Variants in NAV1 observed in about 807,000 individuals in gnomAD.
NAV1 encodes neuron navigator 1, also known as pore membrane and/or filament interacting like protein 3.
In NAV1, 18 loss-of-function variants were observed where a neutral mutation model predicts 175.2. The ratio of observed to expected loss-of-function variants is 0.10; its 90% CI spans 0.07 to 0.15. The LOEUF is 0.15. NAV1 is among the 10% of genes least tolerant of loss of function. NAV1 has a pLI of 1.00. For missense variants in NAV1, 1,731 were observed against 2,436.6 expected (o/e 0.71, Z 6.10); for synonymous variants, 897 against 978.7 (o/e 0.92, Z 1.56).
intron 3 of NAV1, among the ~76,000 whole-genome samples, chr1:201,720,902 G>A (rs1303915862): frequency 6.6e-6 from 1 of 152,046 alleles, no homozygotes; most frequent in African/African-American, 2.4e-5. Context: ...AGCATCAGCA[G>A]CAAAGACAGA....
At position 201,806,875 on chromosome 1, in the gene NAV1, C is replaced by T. The variant is rs186982305; in HGVS notation, c.3649-1078C>T. ...CCCACCAGCTCCATCCATCACCTGA[C>T]GGCCTTCCTATGTTCCAGGAGAGAC... On this transcript the variant is annotated intron_variant, in intron 17 of 29. Coordinates refer to ENST00000367296, the Ensembl canonical transcript of NAV1. 2.0e-5 allele frequency among the ~76,000 whole-genome samples: 3 copies of T among 152,332 alleles called. No homozygotes were observed. The East Asian group carries it at 5.8e-4, about 29-fold the overall frequency.
At chr1:201,666,194 T>C (rs1329471139) in intron 1 of NAV1, among the ~76,000 whole-genome samples, 1 of 152,090 alleles carries the variant, frequency 6.6e-6, no homozygotes. Context: ...TGGAGAAGGC[T>C]GGGAAGCCAG....
intron 1 of NAV1, among the ~76,000 whole-genome samples, chr1:201,664,304 T>C (rs1669730471): frequency 6.6e-6 from 1 of 152,192 alleles, no homozygotes; most frequent in Non-Finnish European, 1.5e-5. Context: ...ATCGCGTCAC[T>C]GCACTCCAGC....
chr1:201,607,512 G>A (rs1045521696), intron 2 of NAV1, among the ~76,000 whole-genome samples: 25 of 151,982 alleles, frequency 1.6e-4, no homozygotes, highest in African/African-American at 6.0e-4. Context: ...TTATTTTTGA[G>A]ATGGAGTCTC....
chr1:201,615,267 C>CTTTCTT (rs1553244260), intron 2 of NAV1, among the ~76,000 whole-genome samples: 4 of 141,972 alleles, frequency 2.8e-5, no homozygotes, highest in Admixed American at 7.0e-5. Context: ...TTCTTTCTTT[C>CTTTCTT]TTTTTTTTTT....
rs536698756 is a variant in NAV1, at chr1:201,604,791, AAAG to A, written c.-33+16146_-33+16148del. Among the ~76,000 whole-genome samples, 307 of 151,036 alleles carry A rather than the reference AAAG, an allele frequency of 2.0e-3. 2 individuals carry two copies. Among genetic ancestry groups the A allele is most frequent in the Admixed American group, 7.4e-3 (112 of 15,048 alleles). On this transcript the variant is annotated intron_variant, in intron 2 of 33. Transcript: ENST00000685211. ...GGAAAAGAAAGAAAAGAAAAGAAGG[AAAG>A]AAGGAAGGAAGGAAGCCAAAGCTCA...
intron 3 of NAV1, among the ~76,000 whole-genome samples, chr1:201,730,606 A>T (rs919808969): frequency 6.6e-6 from 1 of 152,180 alleles, no homozygotes; most frequent in Non-Finnish European, 1.5e-5. Flanking sequence ...CATGCTGTCG[A>T]CTGACCAATG....
At chr1:201,557,013 G>T (rs1202725603) in intron 1 of NAV1, among the ~76,000 whole-genome samples, 1 of 152,194 alleles carries the variant, frequency 6.6e-6, no homozygotes. Context: ...CCATGATCCT[G>T]CCAGACCACA....
chr1:201,740,052 G>A lies in NAV1; in HGVS notation c.1226+21297G>A. ...CTTCATCTGCCCCTGCCCAGATCCG[G>A]AAGAACGGTGAATTTCCCCCGCAGG... On this transcript the variant is annotated intron_variant, in intron 3 of 29. Transcript: ENST00000367296. This position sits in a 1 kb window ranked among gnomAD's most constrained non-coding sequence, Gnocchi z 4.7. The A allele has an allele frequency of 6.7e-7, 1 of 1,500,852 alleles. No individual in the cohort carries two copies. The highest frequency in any genetic ancestry group is 1.3e-5 in the South Asian group (1 of 77,588). The allele number at this position is 1,500,852 out of a possible 1,614,324, so 93.0% of individuals were successfully genotyped here.
At chr1:201,820,910 G>T (rs994113838) in exon 30 of NAV1, 11 of 151,400 alleles carry the variant, frequency 7.3e-5, no homozygotes, top group African/African-American at 2.7e-4. Context: ...TTCCAAGTGG[G>T]TTTTCTTTGG....
At chr1:201,616,431 G>A (rs773663719) in intron 2 of NAV1, among the ~76,000 whole-genome samples, 3 of 151,850 alleles carry the variant, frequency 2.0e-5, no homozygotes, top group Non-Finnish European at 2.9e-5. Context: ...CCCAGATCCT[G>A]CCTCACTGAC....
chr1:201,810,862 C>G lies in NAV1; in HGVS notation c.4797+104C>G. The stretch of plus-strand genomic sequence containing the variant: ...CCTCATTGTTCCCTTTTCCTCACCT[C>G]TGCCTTCATCTTTCTTCTCTTCTGT... On this transcript the variant is annotated intron_variant, in intron 24 of 29. Coordinates refer to ENST00000367296, the Ensembl canonical transcript of NAV1. This position sits in a 1 kb window ranked among gnomAD's most constrained non-coding sequence, Gnocchi z 6.0. 1 of 773,494 alleles carries G rather than the reference C, an allele frequency of 1.3e-6. No individual in the cohort carries two copies. Among genetic ancestry groups the G allele is most frequent in the Middle Eastern group, 2.6e-4 (1 of 3,822 alleles). 47.9% of individuals were successfully genotyped at this position (773,494 alleles called of 1,614,324 possible).
intron 3 of NAV1, among the ~76,000 whole-genome samples, chr1:201,757,092 TCAGA>T (rs1403623433): frequency 6.6e-6 from 1 of 152,048 alleles, no homozygotes; most frequent in Non-Finnish European, 1.5e-5. Flanking sequence ...GTCATAATGT[TCAGA>T]CAAAGAAGCA....
intron 1 of NAV1, among the ~76,000 whole-genome samples, chr1:201,625,064 G>C (rs1286459079): frequency 6.6e-6 from 1 of 152,148 alleles, no homozygotes; most frequent in Non-Finnish European, 1.5e-5. Context: ...ACATGTTTAG[G>C]CTTCATTTAG....
chr1:201,781,452 G>A, intron 5 of NAV1, 143 bp downstream of exon 9: 2 of 802,426 alleles, frequency 2.5e-6, no homozygotes, highest in Non-Finnish European at 3.8e-6. Flanking sequence ...TCTAAGGACA[G>A]TCCCGTGAGT....
intron 1 of NAV1, among the ~76,000 whole-genome samples, chr1:201,627,336 G>A (rs983145763): frequency 6.6e-6 from 1 of 151,570 alleles, no homozygotes; most frequent in African/African-American, 2.4e-5. Flanking sequence ...GCAGTAGCAC[G>A]ATCTCGGCTC....
rs374852640 is a variant in NAV1 at position 201,612,059 on chromosome 1, C to T, written c.-32-10794C>T. On this transcript the variant is annotated intron_variant, in intron 2 of 33. Coordinates refer to the NAV1 transcript ENST00000685211. ...TATATGTATTTGTAGGTTGTGTGTG[C>T]ATATGTCTATCTCTGTGTGTCAGAA... Among the ~76,000 whole-genome samples the T allele has an allele frequency of 1.7e-4, 26 of 152,050 alleles. No homozygotes were observed. In the East Asian group the frequency reaches 4.4e-3, roughly 26 times the overall value.
At chr1:201,572,146 T>C (rs184788540) in intron 1 of NAV1, among the ~76,000 whole-genome samples, 5 of 152,262 alleles carry the variant, frequency 3.3e-5, no homozygotes, top group Admixed American at 1.3e-4. Flanking sequence ...ATGGGATTCA[T>C]CATGGGATAG....
intron 1 of NAV1, among the ~76,000 whole-genome samples, chr1:201,557,900 C>T (rs1330535075): frequency 2.0e-5 from 3 of 152,072 alleles, no homozygotes; most frequent in African/African-American, 7.2e-5. Context: ...ATGTGCTGGG[C>T]GGTGACTGAG....
Sources: allele counts gnomAD v4.1 joint callset (sites outside exome capture counted in the v4.1 genomes callset), GRCh38; gene constraint gnomAD v4.1.1; non-coding constraint Gnocchi (gnomAD v3.1); transcripts MANE v1.5; gene names NCBI Gene and HGNC (gene_info 2026-07-23, HGNC 2026-07-21).